The following RBMS3 variants were observed in gnomAD, a reference collection of about 807,000 sequenced individuals.
The protein encoded by RBMS3 is RNA binding motif single stranded interacting protein 3.
A neutral mutation model predicts 66.8 loss-of-function variants in RBMS3; 27 were observed. That is an observed-to-expected ratio of 0.40 (90% CI 0.30 to 0.56). RBMS3 has a LOEUF of 0.56. RBMS3 is among the 20% of genes least tolerant of loss of function. The pLI is 0.40. For synonymous variants in RBMS3, 188 were observed against 183.0 expected (o/e 1.03, Z -0.22); for missense variants, 513 against 549.5 (o/e 0.93, Z 0.66).
intron 3 of RBMS3, among the ~76,000 whole-genome samples, chr3:29,535,287 A>T (rs2045511196): frequency 6.6e-6 from 1 of 152,114 alleles, no homozygotes. Flanking sequence ...TGAAAATGTC[A>T]CTTTGTGTTT....
intron 1 of RBMS3, among the ~76,000 whole-genome samples, chr3:29,395,063 T>C (rs2039484000): frequency 1.3e-5 from 2 of 152,216 alleles, no homozygotes; most frequent in East Asian, 1.9e-4. Flanking sequence ...TGTTTAGTTT[T>C]ATGTATGCTG....
chr3:29,364,927 T>A lies in RBMS3; in HGVS notation c.76-69816T>A, dbSNP rs570416861. Among the ~76,000 whole-genome samples the A allele has an allele frequency of 3.8e-4, 58 of 152,294 alleles. 2 individuals carry two copies. The South Asian group carries it at 0.011, about 29-fold the overall frequency. ...GGAGTCACTGATGCCTAAAATAATTTGTGGAGTTTGGTTTGAAATAGCTCC... is the reference window on the plus strand; with the variant it reads ...GGAGTCACTGATGCCTAAAATAATTAGTGGAGTTTGGTTTGAAATAGCTCC... On this transcript the variant is annotated intron_variant, in intron 1 of 14. Transcript: ENST00000383767.
chr3:29,778,604 A>G (rs1016354008), intron 6 of RBMS3, among the ~76,000 whole-genome samples: 3 of 151,832 alleles, frequency 2.0e-5, no homozygotes, highest in Non-Finnish European at 4.4e-5. Context: ...GCTTTGATGC[A>G]TACATACTAG....
intron 4 of RBMS3, among the ~76,000 whole-genome samples, chr3:29,636,240 A>G (rs9882996): frequency 0.072 from 10,929 of 151,912 alleles, 733 homozygotes; most frequent in East Asian, 0.33. Context: ...AATAAGGGCT[A>G]TTTATTGCCA....
intron 3 of RBMS3, among the ~76,000 whole-genome samples, chr3:29,489,913 G>A (rs2043468419): frequency 1.3e-5 from 2 of 151,238 alleles, no homozygotes; most frequent in South Asian, 4.2e-4. Context: ...CACGGTTGTA[G>A]GCACCTGTAA....
chr3:29,343,699 C>T (rs1232971709), intron 1 of RBMS3, among the ~76,000 whole-genome samples: 1 of 152,156 alleles, frequency 6.6e-6, no homozygotes, highest in Non-Finnish European at 1.5e-5. Flanking sequence ...AGTTCAACCT[C>T]ATTGTCCACT....
chr3:29,972,775 G>A (rs1462649685), intron 12 of RBMS3, among the ~76,000 whole-genome samples: 4 of 152,042 alleles, frequency 2.6e-5, no homozygotes, highest in Admixed American at 2.0e-4. Flanking sequence ...TCTGTGTGTG[G>A]CAGTTTGAAT....
At chr3:29,432,538 T>C (rs2041247767) in intron 1 of RBMS3, among the ~76,000 whole-genome samples, 1 of 152,166 alleles carries the variant, frequency 6.6e-6, no homozygotes, top group South Asian at 2.1e-4. Context: ...CTGTCTTTAT[T>C]CCATTTTTTA....
chr3:29,696,638 T>C (rs1400497836), intron 4 of RBMS3, among the ~76,000 whole-genome samples: 1 of 152,214 alleles, frequency 6.6e-6, no homozygotes, highest in Admixed American at 6.5e-5. Flanking sequence ...AATTGCTCAA[T>C]TCATAATATT....
intron 10 of RBMS3, among the ~76,000 whole-genome samples, chr3:29,912,796 T>C (rs2060548112): frequency 6.6e-6 from 1 of 152,048 alleles, no homozygotes; most frequent in Admixed American, 6.6e-5. Context: ...TGTGGCTTAT[T>C]TGGTGTTTAT....
At chr3:29,325,927 G>A (rs377274303) in intron 1 of RBMS3, among the ~76,000 whole-genome samples, 21 of 152,054 alleles carry the variant, frequency 1.4e-4, no homozygotes, top group African/African-American at 4.8e-4. Context: ...GAAACTTTTG[G>A]AGTCATATTT....
intron 6 of RBMS3, among the ~76,000 whole-genome samples, chr3:29,866,987 G>A (rs937734075): frequency 2.0e-5 from 3 of 152,066 alleles, no homozygotes; most frequent in Non-Finnish European, 4.4e-5. Flanking sequence ...ATTTCTCTTG[G>A]TCAATGGTGA....
At chr3:29,394,538 C>T (rs1188108115) in intron 1 of RBMS3, among the ~76,000 whole-genome samples, 2 of 152,122 alleles carry the variant, frequency 1.3e-5, no homozygotes, top group African/African-American at 4.8e-5. Context: ...GATAAATGTC[C>T]ATGAAATCTT....
intron 8 of RBMS3, among the ~76,000 whole-genome samples, chr3:29,884,424 C>G (rs190703828): frequency 1.7e-5 from 1 of 57,906 alleles, no homozygotes; most frequent in South Asian, 7.6e-4. Context: ...AAACCCTGTT[C>G]TCTCTCTCTC....
chr3:29,838,964 G>C (rs1239277791), intron 6 of RBMS3, among the ~76,000 whole-genome samples: 1 of 152,082 alleles, frequency 6.6e-6, no homozygotes, highest in Non-Finnish European at 1.5e-5. Flanking sequence ...TTCTTATAGA[G>C]GCTGCCAGGG....
intron 6 of RBMS3, among the ~76,000 whole-genome samples, chr3:29,848,459 T>G (rs1302822358): frequency 6.6e-6 from 1 of 152,236 alleles, no homozygotes; most frequent in Admixed American, 6.5e-5. Flanking sequence ...GGGATAACTA[T>G]AGTTTCTAGG....
At chr3:29,578,611 C>A (rs1006430271) in intron 3 of RBMS3, among the ~76,000 whole-genome samples, 2 of 151,872 alleles carry the variant, frequency 1.3e-5, no homozygotes, top group Non-Finnish European at 2.9e-5. Context: ...TTAGATAGAA[C>A]CTTTTATCAA....
chr3:29,622,107 A>T (rs1298415232), intron 4 of RBMS3, among the ~76,000 whole-genome samples: 6 of 152,196 alleles, frequency 3.9e-5, no homozygotes, highest in Non-Finnish European at 4.4e-5. Context: ...CATGGAAAAA[A>T]AATCAATGAA....
intron 1 of RBMS3, among the ~76,000 whole-genome samples, chr3:29,289,248 TAAGAG>T (rs1304764804): frequency 6.6e-6 from 1 of 151,936 alleles, no homozygotes; most frequent in Non-Finnish European, 1.5e-5. Context: ...ACTGAACTGT[TAAGAG>T]AAGGGTGGTC....
Sources: allele counts gnomAD v4.1 joint callset (sites outside exome capture counted in the v4.1 genomes callset), GRCh38; gene constraint gnomAD v4.1.1; transcripts MANE v1.5; gene names NCBI Gene and HGNC (gene_info 2026-07-23, HGNC 2026-07-21).